SLC25A24: variants seen among roughly 807,000 people sequenced by gnomAD.
SLC25A24 encodes mitochondrial adenyl nucleotide antiporter SLC25A24.
In SLC25A24, 49 loss-of-function variants were observed where a neutral mutation model predicts 60.7. That is an observed-to-expected ratio of 0.81 (90% CI 0.64 to 1.02). SLC25A24 has a LOEUF of 1.02. Ranked by LOEUF, SLC25A24 falls within the 50% of genes least tolerant of loss-of-function variation. The probability of loss-of-function intolerance (pLI) is 0.00; values close to 1 mark genes in which losing one functional copy is unlikely to be tolerated. For missense variants in SLC25A24, 564 were observed against 586.3 expected, an observed-to-expected ratio of 0.96 and a Z score of 0.39; for synonymous variants, 202 against 200.6, an observed-to-expected ratio of 1.01 and a Z score of -0.06.
intron 6 of SLC25A24, among the ~76,000 whole-genome samples, chr1:108,149,673 A>G (rs1227952422): frequency 6.6e-6 from 1 of 152,130 alleles, no homozygotes; most frequent in Non-Finnish European, 1.5e-5. Flanking sequence ...GGGTCTCCAG[A>G]GGTAAGCAGC....
chr1:108,136,717 G>A lies in SLC25A24; in HGVS notation c.1370C>T (p.Ala457Val), dbSNP rs1246032454. The change falls in exon 10 of 10, where the codon GCT becomes GTT. Residue 457 changes from alanine (A) to valine (V), a missense_variant. Ala to Val is a moderately conservative substitution (Grantham distance 64). Transcript: ENST00000565488. ...ITPNFMKVLP[A>V]VGISYVVYEN... ...ATAAACCACATAACTGATGCCTACAGCAGGGAGCACCTTCATGAAGTTTGG... is the reference window on the plus strand; with the variant it reads ...ATAAACCACATAACTGATGCCTACAACAGGGAGCACCTTCATGAAGTTTGG... 2 of 1,613,970 alleles carry A rather than the reference G, an allele frequency of 1.2e-6. No homozygotes were observed. The highest frequency in any genetic ancestry group is 1.7e-6 in the Non-Finnish European group (2 of 1,179,960).
intron 3 of SLC25A24, among the ~76,000 whole-genome samples, chr1:108,165,462 T>A (rs1680222515): frequency 6.6e-6 from 1 of 152,164 alleles, no homozygotes; most frequent in Non-Finnish European, 1.5e-5. Context: ...ACTTGCTTTA[T>A]GAATCTGGGT....
chr1:108,193,724 T>C lies in SLC25A24; in HGVS notation c.183+6232A>G, dbSNP rs918469086. Among the ~76,000 whole-genome samples, 6 of 140,330 alleles carry C rather than the reference T, an allele frequency of 4.3e-5. 1 individual carries two copies. The Admixed American group carries it at 4.8e-4, about 11-fold the overall frequency. 92.1% of individuals were successfully genotyped at this position (140,330 alleles called of 152,430 possible). Reference sequence around the variant, plus strand: ...TGTGACACCTCCCCTCACAGTTTTTTATCTTTTATCTTCATCCAACCACTA... The same window carrying C: ...TGTGACACCTCCCCTCACAGTTTTTCATCTTTTATCTTCATCCAACCACTA... On this transcript the variant is annotated intron_variant, in intron 1 of 9. Coordinates refer to ENST00000565488, the MANE Select transcript of SLC25A24 (RefSeq NM_013386.5).
At chr1:108,142,457 G>A (rs536322894) in intron 8 of SLC25A24, among the ~76,000 whole-genome samples, 225 of 152,264 alleles carry the variant, frequency 1.5e-3, no homozygotes, top group African/African-American at 5.3e-3. Flanking sequence ...ATGAAGTTCT[G>A]ATACATGCTA....
intron 4 of SLC25A24, among the ~76,000 whole-genome samples, chr1:108,158,772 C>A (rs969900959): frequency 2.0e-5 from 3 of 150,336 alleles, no homozygotes; most frequent in Admixed American, 1.3e-4. Flanking sequence ...GGAGGCGAGG[C>A]GGGCGGATTA....
intron 3 of SLC25A24, among the ~76,000 whole-genome samples, chr1:108,172,666 G>A (rs1351882119): frequency 6.6e-6 from 1 of 152,166 alleles, no homozygotes; most frequent in Non-Finnish European, 1.5e-5. Flanking sequence ...ATGAGATTTG[G>A]AGGGGACAAA....
At chr1:108,158,180 T>A (rs1265005784) in intron 4 of SLC25A24, among the ~76,000 whole-genome samples, 1 of 152,220 alleles carries the variant, frequency 6.6e-6, no homozygotes, top group Non-Finnish European at 1.5e-5. Flanking sequence ...ATCTGACTTA[T>A]CATTTAAAAC....
intron 7 of SLC25A24, among the ~76,000 whole-genome samples, chr1:108,144,239 C>T (rs990655520): frequency 2.6e-5 from 4 of 152,052 alleles, no homozygotes; most frequent in African/African-American, 9.7e-5. Context: ...TTGTATTTAT[C>T]TTGCTTAAGT....
intron 3 of SLC25A24, among the ~76,000 whole-genome samples, chr1:108,166,133 C>A (rs1228946625): frequency 6.6e-6 from 1 of 152,242 alleles, no homozygotes; most frequent in Non-Finnish European, 1.5e-5. Context: ...CCACTCTCTT[C>A]TGGTTTGTAG....
Position 108,157,370 on chromosome 1 carries a change from G to A in SLC25A24, c.669+92C>T. 5 of 1,362,910 alleles carry A rather than the reference G, an allele frequency of 3.7e-6. No homozygotes were observed. In the South Asian group the frequency reaches 4.4e-5, roughly 12 times the overall value. The allele number at this position is 1,362,910 out of a possible 1,614,324, so 84.4% of individuals were successfully genotyped here. ...TTTTAGGGTATAAAAGATTATTACT[G>A]AGAAATTTTAAAACTTCTTTTTCAA... On this transcript the variant is annotated intron_variant, in intron 5 of 9. Coordinates refer to ENST00000565488, the MANE Select transcript of SLC25A24 (RefSeq NM_013386.5).
At chr1:108,166,838 C>T (rs1485646250) in intron 3 of SLC25A24, among the ~76,000 whole-genome samples, 1 of 152,218 alleles carries the variant, frequency 6.6e-6, no homozygotes, top group African/African-American at 2.4e-5. Flanking sequence ...TGGTGAGGAA[C>T]AGCGTTCCTT....
intron 6 of SLC25A24, among the ~76,000 whole-genome samples, chr1:108,149,211 T>C (rs567890033): frequency 6.6e-6 from 1 of 152,364 alleles, no homozygotes; most frequent in African/African-American, 2.4e-5. Flanking sequence ...CATAGAATTA[T>C]ACTAACCTAT....
At chr1:108,161,353 A>C in intron 3 of SLC25A24, 60 bp from the exon 4 acceptor site, 2 of 852,536 alleles carry the variant, frequency 2.3e-6, no homozygotes, top group East Asian at 2.5e-5. Context: ...AACTAACATT[A>C]TTGGCCACTT....
chr1:108,186,834 T>C (rs1246183403), intron 1 of SLC25A24, among the ~76,000 whole-genome samples: 1 of 151,784 alleles, frequency 6.6e-6, no homozygotes, highest in African/African-American at 2.4e-5. Context: ...TCCCAGCACT[T>C]TGGGAGGCTG....
In SLC25A24 at chr1:108,144,506, G is replaced by A. The variant is rs1357061478; in HGVS notation, c.931-796C>T. ...GCAGGTTTGTTACATAGGTATACACGTGCCATGGTGGTTTGCTGCACCCAT... is the reference window on the plus strand; with the variant it reads ...GCAGGTTTGTTACATAGGTATACACATGCCATGGTGGTTTGCTGCACCCAT... On this transcript the variant is annotated intron_variant, in intron 7 of 9. Transcript: ENST00000565488. Among the ~76,000 whole-genome samples, 4 of 152,080 alleles carry A rather than the reference G, an allele frequency of 2.6e-5. No homozygotes were observed. In the South Asian group the frequency reaches 6.2e-4, roughly 24 times the overall value.
chr1:108,158,797 C>A (rs941016790), intron 4 of SLC25A24, among the ~76,000 whole-genome samples: 1 of 151,186 alleles, frequency 6.6e-6, no homozygotes, highest in Admixed American at 6.6e-5. Context: ...GTCAGGAGAT[C>A]GAGACCATCC....
chr1:108,163,067 C>G (rs1361942841), intron 3 of SLC25A24, among the ~76,000 whole-genome samples: 5 of 134,106 alleles, frequency 3.7e-5, no homozygotes, highest in Non-Finnish European at 8.0e-5. Flanking sequence ...TTCCCCATTG[C>G]TTGTTTTTCT....
At chr1:108,186,974 G>A (rs1571308507) in intron 1 of SLC25A24, among the ~76,000 whole-genome samples, 1 of 152,148 alleles carries the variant, frequency 6.6e-6, no homozygotes, top group East Asian at 1.9e-4. Flanking sequence ...CTACTTGGGA[G>A]GCTGAGGCAA....
chr1:108,180,137 G>T (rs1647860430), intron 3 of SLC25A24, among the ~76,000 whole-genome samples: 2 of 152,084 alleles, frequency 1.3e-5, no homozygotes, highest in Admixed American at 1.3e-4. Context: ...GCCAAGATGG[G>T]TGGATCACCT....
Sources: gnomAD v4.1 joint callset for allele counts (sites outside exome capture counted in the v4.1 genomes callset) on GRCh38, gnomAD v4.1.1 for gene constraint, MANE v1.5 for transcripts, NCBI Gene and HGNC (gene_info 2026-07-23, HGNC 2026-07-21) for gene names.